RXFP1: variants seen among roughly 807,000 people sequenced by gnomAD.
RXFP1 encodes relaxin family peptide receptor 1, also known as relaxin receptor 1.
A neutral mutation model predicts 89.8 loss-of-function variants in RXFP1; 73 were observed. The observed-to-expected ratio is 0.81, with a 90% CI of 0.67 to 0.99. The LOEUF (loss-of-function observed/expected upper bound fraction) is 0.99. Ranked by LOEUF, RXFP1 falls within the 50% of genes least tolerant of loss-of-function variation. The pLI is 0.00. For synonymous variants in RXFP1, 277 were observed against 305.5 expected (o/e 0.91, Z 0.97); for missense variants, 793 against 895.5 (o/e 0.89, Z 1.46).
intron 6 of RXFP1, chr4:158,610,666 A>T: frequency 7.8e-7 from 1 of 1,289,422 alleles, no homozygotes; most frequent in Non-Finnish European, 1.0e-6. Flanking sequence ...CTGAAAAATG[A>T]AGAGGACTGG....
chr4:158,539,156 A>G (rs1329898794), intron 1 of RXFP1, among the ~76,000 whole-genome samples: 1 of 152,182 alleles, frequency 6.6e-6, no homozygotes, highest in Non-Finnish European at 1.5e-5. Context: ...GGCAACAGAA[A>G]CTACTTGCTC....
intron 9 of RXFP1, among the ~76,000 whole-genome samples, chr4:158,626,152 A>T (rs187244921): frequency 2.1e-5 from 3 of 144,576 alleles, no homozygotes; most frequent in South Asian, 2.2e-4. Context: ...AGATAGATAG[A>T]TAGATAGATA....
At chr4:158,524,847 A>ACTT (rs60840556) in intron 1 of RXFP1, among the ~76,000 whole-genome samples, 1 of 151,708 alleles carries the variant, frequency 6.6e-6, no homozygotes, top group Non-Finnish European at 1.5e-5. Context: ...CAATTCTTTT[A>ACTT]ATGTTTTAGA....
chr4:158,626,144 A>ATAGATAGATAGATAGATAGATAGATAGT lies in RXFP1; in HGVS notation c.756-649_756-648insTTAGATAGATAGATAGATAGATAGATAG, dbSNP rs1766743009. Among the ~76,000 whole-genome samples the ATAGATAGATAGATAGATAGATAGATAGT allele has an allele frequency of 1.1e-3, 171 of 148,826 alleles. 1 individual carries two copies. The highest frequency in any genetic ancestry group is 4.0e-3 in the African/African-American group (158 of 39,754). On this transcript the variant is annotated intron_variant, in intron 9 of 17. Coordinates refer to ENST00000307765, the MANE Select transcript of RXFP1 (RefSeq NM_021634.4). ...GATAGATAGATAGATAGATAGATAG[A>ATAGATAGATAGATAGATAGATAGATAGT]TAGATAGATAGATAGATAGATAGAT...
chr4:158,563,073 T>C (rs1029259404), intron 1 of RXFP1, among the ~76,000 whole-genome samples: 8 of 152,244 alleles, frequency 5.3e-5, no homozygotes, highest in African/African-American at 9.6e-5. Context: ...CTATCCATCC[T>C]TTAAGGATAT....
chr4:158,644,140 A>T (rs1340708006), intron 14 of RXFP1, among the ~76,000 whole-genome samples: 3 of 141,144 alleles, frequency 2.1e-5, no homozygotes, highest in African/African-American at 8.1e-5. Flanking sequence ...TCCGCCTCCC[A>T]GGTTCACGCC....
At chr4:158,543,932 G>T (rs1001285179) in intron 1 of RXFP1, 46 of 985,206 alleles carry the variant, frequency 4.7e-5, no homozygotes, top group Non-Finnish European at 5.3e-5. Flanking sequence ...CGATATAGTA[G>T]TATCTGCCTC....
chr4:158,608,855 T>C (rs1335826181), intron 6 of RXFP1, among the ~76,000 whole-genome samples: 2 of 152,234 alleles, frequency 1.3e-5, no homozygotes, highest in African/African-American at 4.8e-5. Flanking sequence ...ATTAATTGGC[T>C]ACTTTAAGTA....
chr4:158,593,114 A>T (rs982062582), intron 2 of RXFP1, among the ~76,000 whole-genome samples: 2 of 139,976 alleles, frequency 1.4e-5, no homozygotes, highest in Non-Finnish European at 3.0e-5. Context: ...AACAAACAAA[A>T]AAAACTGGAG....
Position 158,646,906 on chromosome 4 carries a change from T to C in RXFP1, c.1461T>C (p.Leu487=). The C allele has an allele frequency of 6.2e-7, 1 of 1,614,196 alleles. No homozygotes were observed. Among genetic ancestry groups the C allele is most frequent in the Non-Finnish European group, 8.5e-7 (1 of 1,180,020 alleles). The change falls in exon 16 of 18, where the codon CTT becomes CTC. Residue 487 remains leucine, a synonymous_variant. Coordinates refer to ENST00000307765, the MANE Select transcript of RXFP1 (RefSeq NM_021634.4). Reference sequence around the variant, plus strand: ...GGATGGAGAGTACTCATTGTCAGCTTGTAGGATCTTTGGCCATTCTGTCCA... The same window carrying C: ...GGATGGAGAGTACTCATTGTCAGCTCGTAGGATCTTTGGCCATTCTGTCCA... ...QLWMESTHCQ[L]VGSLAILSTE... is the part of the protein sequence containing the mutation.
At chr4:158,621,253 A>G (rs1439376992) in intron 9 of RXFP1, among the ~76,000 whole-genome samples, 1 of 152,098 alleles carries the variant, frequency 6.6e-6, no homozygotes, top group Non-Finnish European at 1.5e-5. Flanking sequence ...TCAAGGCTTA[A>G]ATGAGCTATG....
At chr4:158,602,807 G>A (rs1049007567) in intron 4 of RXFP1, among the ~76,000 whole-genome samples, 54 of 152,070 alleles carry the variant, frequency 3.6e-4, no homozygotes, top group African/African-American at 8.4e-4. Context: ...AGGCTAGAGC[G>A]CAGTGGCGCG....
At chr4:158,636,411 C>A (rs1391406331) in intron 12 of RXFP1, among the ~76,000 whole-genome samples, 2 of 152,042 alleles carry the variant, frequency 1.3e-5, no homozygotes, top group Admixed American at 6.6e-5. Flanking sequence ...GAAGTAGATG[C>A]GGCTCTTTCT....
chr4:158,580,113 A>T lies in RXFP1; in HGVS notation c.187+7278A>T, dbSNP rs761285371. 5.8e-4 allele frequency among the ~76,000 whole-genome samples: 89 copies of T among 152,202 alleles called. 1 individual carries two copies. The highest frequency in any genetic ancestry group is 1.1e-3 in the Non-Finnish European group (73 of 68,042). On this transcript the variant is annotated intron_variant, in intron 2 of 17. Transcript: ENST00000307765. ...GGGGTTTCTGAGGGAAACACAAGGC[A>T]GTGCAGGGTGAGCAGCTTAAGATGT...
chr4:158,546,684 C>A (rs1037470726), intron 1 of RXFP1, among the ~76,000 whole-genome samples: 2 of 152,150 alleles, frequency 1.3e-5, no homozygotes, highest in African/African-American at 4.8e-5. Context: ...TTGTCAAAGG[C>A]CTTTTCTGCA....
rs556281358 is a variant in RXFP1 at position 158,613,313 on chromosome 4, A to C, written c.680+951A>C. 2.0e-5 allele frequency among the ~76,000 whole-genome samples: 3 copies of C among 152,310 alleles called. No homozygotes were observed. In the East Asian group the frequency reaches 5.8e-4, roughly 29 times the overall value. On this transcript the variant is annotated intron_variant, in intron 8 of 17. Coordinates refer to ENST00000307765, the MANE Select transcript of RXFP1 (RefSeq NM_021634.4). ...AAATAAGATAACAATGAGGTTTGCT[A>C]CATTGATTGACTTTTAATTTCATGA... is the stretch of plus-strand genomic sequence containing the variant.
chr4:158,567,906 G>T (rs890971634), intron 1 of RXFP1, among the ~76,000 whole-genome samples: 1 of 152,210 alleles, frequency 6.6e-6, no homozygotes, highest in South Asian at 2.1e-4. Context: ...CTTCCAGCTT[G>T]TGGTGGCTTT....
intron 1 of RXFP1, among the ~76,000 whole-genome samples, chr4:158,542,114 T>A (rs1244975845): frequency 1.2e-4 from 14 of 121,098 alleles, no homozygotes; most frequent in African/African-American, 4.1e-4. Context: ...TATATATTTT[T>A]TTTTTAGTAG....
intron 1 of RXFP1, among the ~76,000 whole-genome samples, chr4:158,567,297 G>A (rs957460816): frequency 3.9e-5 from 6 of 152,212 alleles, no homozygotes; most frequent in South Asian, 2.1e-4. Flanking sequence ...GCGCACGGCC[G>A]GGACTGGCAG....
Sources: gnomAD v4.1 joint callset for allele counts (sites outside exome capture counted in the v4.1 genomes callset) on GRCh38, gnomAD v4.1.1 for gene constraint, MANE v1.5 for transcripts, NCBI Gene and HGNC (gene_info 2026-07-23, HGNC 2026-07-21) for gene names.